The following KCNK10 variants were observed in gnomAD, a reference collection of about 807,000 sequenced individuals.
KCNK10 encodes potassium two pore domain channel subfamily K member 10, also known as potassium channel subfamily K member 10.
KCNK10 carries 25 observed loss-of-function variants against 47.7 expected under a neutral mutation model. That is an observed-to-expected ratio of 0.52 (90% CI 0.38 to 0.73). The LOEUF is 0.73. Ranked by LOEUF, KCNK10 falls within the 30% of genes least tolerant of loss-of-function variation. The pLI, the probability that KCNK10 is intolerant of heterozygous loss-of-function variation, is 0.00. For missense variants in KCNK10, 563 were observed against 714.5 expected (o/e 0.79, Z 2.42); for synonymous variants, 303 against 285.6 (o/e 1.06, Z -0.61).
At chr14:88,326,186 C>CT (rs1566725790), upstream of KCNK10, among the ~76,000 whole-genome samples, 1 of 131,748 alleles carries the variant, frequency 7.6e-6, no homozygotes, top group African/African-American at 2.9e-5. Context: ...TACCCGCCCC[C>CT]CCCCAAAAAA....
At chr14:88,242,615 C>T (rs1886513553) in intron 2 of KCNK10, among the ~76,000 whole-genome samples, 1 of 152,184 alleles carries the variant, frequency 6.6e-6, no homozygotes, top group African/African-American at 2.4e-5. Flanking sequence ...TAAAATCTGG[C>T]TGCATGGGAT....
At chr14:88,225,729 T>C (rs1320254377) in intron 4 of KCNK10, among the ~76,000 whole-genome samples, 6 of 152,252 alleles carry the variant, frequency 3.9e-5, no homozygotes, top group Non-Finnish European at 5.9e-5. Context: ...TTGAATCCTG[T>C]TCTGAGTGTT....
At chr14:88,280,582 T>C (rs2139772041) in intron 1 of KCNK10, among the ~76,000 whole-genome samples, 2 of 152,276 alleles carry the variant, frequency 1.3e-5, no homozygotes, top group African/African-American at 4.8e-5. Context: ...AAAATTGCGC[T>C]TGTTAGTTGA....
intron 4 of KCNK10, among the ~76,000 whole-genome samples, chr14:88,210,976 T>G (rs1595082735): frequency 6.6e-6 from 1 of 152,154 alleles, no homozygotes; most frequent in African/African-American, 2.4e-5. Flanking sequence ...TCTGTAATTA[T>G]ATGTGACTCA....
intron 4 of KCNK10, among the ~76,000 whole-genome samples, chr14:88,221,816 G>A (rs912970675): frequency 1.3e-5 from 2 of 152,176 alleles, no homozygotes; most frequent in Non-Finnish European, 2.9e-5. Flanking sequence ...CCTTCAGTAG[G>A]TGAATGGATA....
At position 88,187,956 on chromosome 14, in the gene KCNK10, AG is replaced by A. The variant is rs1356018012; in HGVS notation, c.1011+10del. On this transcript the variant is annotated intron_variant, in intron 6 of 6. Transcript: ENST00000319231. ...CTCAGGAACATTCATAGGGTTAGGA[AG>A]GGGTCCTACCTCTTCTTTTGTCTTT... is the stretch of plus-strand genomic sequence containing the variant. 1.2e-6 allele frequency: 2 copies of A among 1,613,972 alleles called. No individual in the cohort carries two copies. Among genetic ancestry groups the A allele is most frequent in the Non-Finnish European group, 1.7e-6 (2 of 1,179,950 alleles).
At chr14:88,229,913 C>T (rs762727239) in intron 3 of KCNK10, among the ~76,000 whole-genome samples, 2 of 152,120 alleles carry the variant, frequency 1.3e-5, no homozygotes, top group East Asian at 1.9e-4. Context: ...TTGGGTAGAA[C>T]TTTGAAGTAA....
At chr14:88,280,004 C>A (rs1447324404) in intron 1 of KCNK10, among the ~76,000 whole-genome samples, 2 of 152,222 alleles carry the variant, frequency 1.3e-5, no homozygotes, top group African/African-American at 2.4e-5. Flanking sequence ...GCCTCCCCAG[C>A]CATGCGGAAC....
chr14:88,261,346 T>A (rs1316539574), intron 2 of KCNK10, among the ~76,000 whole-genome samples: 2 of 152,240 alleles, frequency 1.3e-5, no homozygotes, highest in Non-Finnish European at 2.9e-5. Context: ...ATACTCCTAC[T>A]TAAAACTACT....
chr14:88,325,945 G>A (rs1240485699), upstream of KCNK10, among the ~76,000 whole-genome samples: 2 of 152,108 alleles, frequency 1.3e-5, no homozygotes, highest in Non-Finnish European at 2.9e-5. Context: ...TATAAGGGGA[G>A]GGTTGGGGAT....
chr14:88,256,226 T>C (rs1886951478), intron 2 of KCNK10, among the ~76,000 whole-genome samples: 1 of 152,198 alleles, frequency 6.6e-6, no homozygotes, highest in Admixed American at 6.5e-5. Flanking sequence ...GGCCTGGCCC[T>C]TCCTCTAGAA....
At chr14:88,209,633 C>T (rs1236053407) in intron 4 of KCNK10, among the ~76,000 whole-genome samples, 1 of 152,182 alleles carries the variant, frequency 6.6e-6, no homozygotes, top group African/African-American at 2.4e-5. Context: ...GACCCTGTTG[C>T]CCATGGGTTT....
intron 4 of KCNK10, among the ~76,000 whole-genome samples, chr14:88,201,040 G>T (rs931119932): frequency 3.3e-5 from 5 of 152,186 alleles, no homozygotes; most frequent in African/African-American, 1.2e-4. Context: ...CAAAACAGGG[G>T]ATTAGTGATG....
intron 1 of KCNK10, among the ~76,000 whole-genome samples, chr14:88,313,375 C>G (rs1353765271): frequency 1.3e-5 from 2 of 152,160 alleles, no homozygotes; most frequent in Admixed American, 6.5e-5. Context: ...TGTGGACTAA[C>G]TTTAGTGACT....
intron 3 of KCNK10, among the ~76,000 whole-genome samples, chr14:88,232,786 C>T (rs1257484286): frequency 6.6e-6 from 1 of 152,210 alleles, no homozygotes; most frequent in African/African-American, 2.4e-5. Context: ...ATTTGTTTTG[C>T]AGTAGTTTCC....
chr14:88,316,277 T>C (rs1888428884), intron 1 of KCNK10, among the ~76,000 whole-genome samples: 1 of 152,146 alleles, frequency 6.6e-6, no homozygotes, highest in African/African-American at 2.4e-5. Flanking sequence ...GAAGTCAGGT[T>C]TCATTTTCAA....
chr14:88,224,019 TAA>T (rs5810403), intron 4 of KCNK10, among the ~76,000 whole-genome samples: 503 of 146,476 alleles, frequency 3.4e-3, no homozygotes, highest in African/African-American at 4.9e-3. Flanking sequence ...CATCTCCACT[TAA>T]AAAAAAAAAA....
intron 5 of KCNK10, among the ~76,000 whole-genome samples, chr14:88,189,414 G>C (rs2139824376): frequency 6.6e-6 from 1 of 152,250 alleles, no homozygotes. Context: ...GGTTTTTGAG[G>C]TTCATTTCGT....
intron 1 of KCNK10, among the ~76,000 whole-genome samples, chr14:88,305,435 C>A (rs1368394960): frequency 6.6e-6 from 1 of 152,148 alleles, no homozygotes; most frequent in Non-Finnish European, 1.5e-5. Flanking sequence ...GAACATGCCT[C>A]ATCAAGCTTC....
Sources: gnomAD v4.1 joint callset for allele counts (sites outside exome capture counted in the v4.1 genomes callset) on GRCh38, gnomAD v4.1.1 for gene constraint, MANE v1.5 for transcripts, NCBI Gene and HGNC (gene_info 2026-07-23, HGNC 2026-07-21) for gene names.